GPHN: variants seen among roughly 807,000 people sequenced by gnomAD.
The protein encoded by GPHN is gephyrin.
Under a neutral mutation model 95.5 loss-of-function variants are expected in GPHN, and 17 were observed. The observed-to-expected ratio is 0.18, with a 90% confidence interval of 0.12 to 0.27. The LOEUF (loss-of-function observed/expected upper bound fraction) is 0.27. Among genes scored for constraint, GPHN ranks in the 10% least tolerant of loss-of-function variants. The probability of loss-of-function intolerance (pLI) is 1.00; values close to 1 mark genes in which losing one functional copy is unlikely to be tolerated. For synonymous variants in GPHN, 320 were observed against 322.5 expected, an observed-to-expected ratio of 0.99 and a Z score of 0.08; for missense variants, 660 against 978.1, an observed-to-expected ratio of 0.67 and a Z score of 4.34.
At chr14:66,523,139 A>T (rs1480470391) in intron 1 of GPHN, among the ~76,000 whole-genome samples, 1 of 152,122 alleles carries the variant, frequency 6.6e-6, no homozygotes, top group Non-Finnish European at 1.5e-5. Context: ...AAACAGGAAA[A>T]ATTACTAGAA....
At chr14:66,563,199 A>G (rs1359432488) in intron 1 of GPHN, among the ~76,000 whole-genome samples, 3 of 152,172 alleles carry the variant, frequency 2.0e-5, no homozygotes, top group Admixed American at 6.6e-5. Flanking sequence ...TAATAAACGT[A>G]GTTTCTTGAA....
chr14:67,053,202 TAATAA>T (rs2075391325), intron 10 of GPHN, among the ~76,000 whole-genome samples: 1 of 126,436 alleles, frequency 7.9e-6, no homozygotes, highest in Non-Finnish European at 1.7e-5. Context: ...AAAAAAAAAT[TAATAA>T]AATAGACTAC....
chr14:67,384,045 TGACCCTTAGCGG>T, the GPHN span: 1 of 156,850 alleles, frequency 6.4e-6, no homozygotes, highest in Non-Finnish European at 1.4e-5. Flanking sequence ...CAGTGAAAGT[TGACCCTTAGCGG>T]GACAAAGCCT....
the GPHN span, among the ~76,000 whole-genome samples, chr14:67,393,610 C>G: frequency 1.3e-5 from 2 of 152,106 alleles, no homozygotes; most frequent in Non-Finnish European, 2.9e-5. Flanking sequence ...TTTGCCACCA[C>G]ACCTGGCTAA....
chr14:66,725,617 G>A (rs558861345), intron 2 of GPHN, among the ~76,000 whole-genome samples: 1 of 152,220 alleles, frequency 6.6e-6, no homozygotes, highest in East Asian at 1.9e-4. Context: ...CTGAGTAGCT[G>A]GGATTACAGG....
intron 4 of GPHN, among the ~76,000 whole-genome samples, chr14:66,866,651 A>G (rs1176648624): frequency 6.6e-6 from 1 of 152,328 alleles, no homozygotes; most frequent in African/African-American, 2.4e-5. Context: ...TAGCAAATAC[A>G]GTGAGATTTT....
At chr14:66,624,075 C>T (rs569056215) in intron 1 of GPHN, among the ~76,000 whole-genome samples, 3 of 152,276 alleles carry the variant, frequency 2.0e-5, no homozygotes, top group South Asian at 2.1e-4. Flanking sequence ...ACTCTCTGCT[C>T]CCCAGATTTT....
chr14:67,328,013 G>A, the GPHN span, among the ~76,000 whole-genome samples: 1 of 152,186 alleles, frequency 6.6e-6, no homozygotes, highest in Non-Finnish European at 1.5e-5. Context: ...TGGGATGGCT[G>A]GGTCAAATGG....
the GPHN span, among the ~76,000 whole-genome samples, chr14:67,439,573 C>CTT: frequency 7.1e-6 from 1 of 141,494 alleles, no homozygotes; most frequent in African/African-American, 2.9e-5. Context: ...TTCTTTCTTT[C>CTT]TTTCTTTCTT....
chr14:67,303,622 T>C, the GPHN span: 4 of 1,563,662 alleles, frequency 2.6e-6, no homozygotes, highest in Non-Finnish European at 3.5e-6. Flanking sequence ...TAAATGTTCA[T>C]TATTTATGTG....
At chr14:66,613,006 A>G (rs755789584) in intron 1 of GPHN, among the ~76,000 whole-genome samples, 12 of 152,052 alleles carry the variant, frequency 7.9e-5, no homozygotes, top group Non-Finnish European at 1.5e-4. Context: ...TGCTGTGAAT[A>G]TATACATGTA....
At chr14:66,783,714 G>T (rs545123281) in intron 3 of GPHN, among the ~76,000 whole-genome samples, 25 of 152,308 alleles carry the variant, frequency 1.6e-4, no homozygotes, top group Admixed American at 1.5e-3. Context: ...GGTATCAACA[G>T]TGGAGCAAGG....
the GPHN span, among the ~76,000 whole-genome samples, chr14:67,439,535 T>TTCTTTCTC: frequency 2.3e-4 from 10 of 43,558 alleles, no homozygotes; most frequent in Admixed American, 5.4e-4. Context: ...ATTCAATAGT[T>TTCTTTCTC]TCTTTCTTTC....
At chr14:66,961,941 TATATATAC>T (rs1177273235) in intron 8 of GPHN, among the ~76,000 whole-genome samples, 1,483 of 81,426 alleles carry the variant, frequency 0.018, 40 homozygotes, top group Middle Eastern at 0.023. Context: ...TATATATATA[TATATATAC>T]ACATATCTCC....
chr14:67,530,253 C>A, the GPHN span, among the ~76,000 whole-genome samples: 1 of 152,196 alleles, frequency 6.6e-6, no homozygotes, highest in South Asian at 2.1e-4. Flanking sequence ...CTCATTTAAT[C>A]ATTTCAACAA....
At chr14:66,917,084 A>C (rs1261771859) in intron 6 of GPHN, among the ~76,000 whole-genome samples, 2 of 152,164 alleles carry the variant, frequency 1.3e-5, no homozygotes, top group Admixed American at 1.3e-4. Context: ...ACCACTATTG[A>C]TATGTTTGTA....
chr14:66,754,717 T>C (rs572396427), intron 2 of GPHN, among the ~76,000 whole-genome samples: 4 of 152,156 alleles, frequency 2.6e-5, no homozygotes, highest in African/African-American at 9.6e-5. Context: ...ATACAGAAAT[T>C]ACACTAATTT....
the GPHN span, among the ~76,000 whole-genome samples, chr14:67,700,727 A>G: frequency 7.0e-6 from 1 of 141,950 alleles, no homozygotes; most frequent in Non-Finnish European, 1.5e-5. Context: ...AAAAAAAAAA[A>G]AAAATTACAG....
chr14:67,004,177 T>C (rs1039960637), intron 9 of GPHN, among the ~76,000 whole-genome samples: 2 of 151,752 alleles, frequency 1.3e-5, no homozygotes, highest in Non-Finnish European at 3.0e-5. Context: ...GCATTTTACT[T>C]TTTACATGAA....
Sources: allele counts gnomAD v4.1 joint callset (sites outside exome capture counted in the v4.1 genomes callset), GRCh38; gene constraint gnomAD v4.1.1; transcripts MANE v1.5; gene names NCBI Gene and HGNC (gene_info 2026-07-23, HGNC 2026-07-21).